The following MLLT10 variants were observed in gnomAD, a reference collection of about 807,000 sequenced individuals.
MLLT10 encodes the protein protein AF-10.
MLLT10 carries 30 observed loss-of-function variants against 129.1 expected under a neutral mutation model. The observed-to-expected ratio is 0.23, with a 90% confidence interval of 0.17 to 0.32. MLLT10 has a LOEUF of 0.32. Among genes scored for constraint, MLLT10 ranks in the 10% least tolerant of loss-of-function variants. MLLT10 has a pLI of 1.00. For missense variants in MLLT10, 1,119 were observed against 1,268.3 expected, an observed-to-expected ratio of 0.88 and a Z score of 1.79; for synonymous variants, 490 against 446.4, an observed-to-expected ratio of 1.10 and a Z score of -1.23.
chr10:21,536,806 C>CA (rs966438449), intron 2 of MLLT10, among the ~76,000 whole-genome samples: 6 of 151,354 alleles, frequency 4.0e-5, no homozygotes, highest in Non-Finnish European at 8.8e-5. Context: ...TTTTTTGAGA[C>CA]AGAGTTTTGC....
intron 3 of MLLT10, among the ~76,000 whole-genome samples, chr10:21,565,853 G>C (rs191639640): frequency 6.0e-5 from 9 of 148,872 alleles, no homozygotes; most frequent in Admixed American, 2.0e-4. Context: ...AGACCCTCCT[G>C]TCATGGCCTC....
chr10:21,563,903 C>T (rs2039186106), intron 3 of MLLT10, among the ~76,000 whole-genome samples: 1 of 151,808 alleles, frequency 6.6e-6, no homozygotes, highest in Non-Finnish European at 1.5e-5. Context: ...GGCTCCACCT[C>T]CCAGGTTCAC....
At position 21,673,441 on chromosome 10, in the gene MLLT10, T is replaced by G. The variant is rs1324971108; in HGVS notation, c.1143T>G (p.Asp381Glu). 3 of 1,613,316 alleles carry G rather than the reference T, an allele frequency of 1.9e-6. No individual in the cohort carries two copies. Among genetic ancestry groups the G allele is most frequent in the South Asian group, 2.2e-5 (2 of 91,038 alleles). ...PQDFLSFTDS[D>E]LRNDSYSHSQ... ...ATTTCCTGAGCTTTACAGACTCAGA[T>G]CTGCGTAATGACAGTTACTCTCACT... is the stretch of plus-strand genomic sequence containing the variant. The change falls in exon 11 of 23, where the codon GAT (aspartate) becomes GAG (glutamate). Residue 381 changes from aspartate to glutamate, a missense_variant. By Grantham distance (45) the Asp-to-Glu change is conservative. This residue lies in a region of MLLT10 where 1,004 missense variants were observed against 1,008.7 expected (regional missense o/e 1.00). Coordinates refer to ENST00000307729, the MANE Select transcript of MLLT10 (RefSeq NM_001195626.3).
rs1345285965 is a variant in MLLT10 at position 21,585,709 on chromosome 10, C to T, written c.241-585C>T. Among the ~76,000 whole-genome samples, 4 of 152,078 alleles carry T rather than the reference C, an allele frequency of 2.6e-5. No individual in the cohort carries two copies. The East Asian group carries it at 5.8e-4, about 22-fold the overall frequency. The stretch of plus-strand genomic sequence containing the variant: ...TTCTCCCGCTCCCCAGGTAAATAAT[C>T]CCAGCATCTTTGTGTTTTTATTAAT... On this transcript the variant is annotated intron_variant, in intron 3 of 22. Transcript: ENST00000307729.
intron 8 of MLLT10, chr10:21,625,900 C>G (rs1166061128): frequency 1.3e-6 from 1 of 782,812 alleles, no homozygotes; most frequent in African/African-American, 1.7e-5. Flanking sequence ...AAAGGGGCAC[C>G]AACTCATCCT....
At chr10:21,696,968 G>C (rs1178973343) in intron 13 of MLLT10, among the ~76,000 whole-genome samples, 2 of 151,974 alleles carry the variant, frequency 1.3e-5, no homozygotes, top group Non-Finnish European at 2.9e-5. Context: ...AAAGTCCTTT[G>C]TAGCCTGTGA....
chr10:21,663,693 T>C (rs984186780), intron 9 of MLLT10, among the ~76,000 whole-genome samples: 4 of 152,208 alleles, frequency 2.6e-5, no homozygotes, highest in African/African-American at 9.6e-5. Flanking sequence ...GCCTCCCGAA[T>C]AGCTGGGACT....
chr10:21,714,003 A>C, intron 14 of MLLT10, 53 bp downstream of exon 14: 1 of 1,502,422 alleles, frequency 6.7e-7, no homozygotes, highest in Non-Finnish European at 9.0e-7. Flanking sequence ...CTCATTTTTA[A>C]AGTGAGTTTT....
At chr10:21,653,992 G>T (rs1383912069) in intron 9 of MLLT10, among the ~76,000 whole-genome samples, 1 of 152,222 alleles carries the variant, frequency 6.6e-6, no homozygotes, top group African/African-American at 2.4e-5. Flanking sequence ...AGGAGACTGA[G>T]AAGAGGCTAG....
At chr10:21,579,605 C>T (rs897760705) in intron 3 of MLLT10, among the ~76,000 whole-genome samples, 13 of 151,134 alleles carry the variant, frequency 8.6e-5, no homozygotes, top group African/African-American at 2.9e-4. Flanking sequence ...TCTTGTTGCC[C>T]AAACTGGAGT....
chr10:21,610,231 C>G (rs2044466586), intron 5 of MLLT10, among the ~76,000 whole-genome samples: 1 of 152,190 alleles, frequency 6.6e-6, no homozygotes, highest in Admixed American at 6.5e-5. Context: ...CCCTAGCATT[C>G]TTGGCTTTTT....
chr10:21,670,335 A>G (rs2051262353), intron 9 of MLLT10, 114 bp from the exon 10 acceptor site: 2 of 1,001,800 alleles, frequency 2.0e-6, no homozygotes, highest in Admixed American at 3.5e-5. Context: ...TATTTTTAGA[A>G]CAGAAACTTT....
chr10:21,559,052 CATTG>C (rs1204913583), intron 3 of MLLT10, among the ~76,000 whole-genome samples: 3 of 152,096 alleles, frequency 2.0e-5, no homozygotes, highest in Admixed American at 2.0e-4. Context: ...TTTGAGTTTG[CATTG>C]ATTGTGTATA....
At chr10:21,584,238 G>T (rs1445961946) in intron 3 of MLLT10, among the ~76,000 whole-genome samples, 1 of 142,388 alleles carries the variant, frequency 7.0e-6, no homozygotes, top group Non-Finnish European at 1.5e-5. Context: ...ATCTCTGCTC[G>T]CTGCAACCTC....
intron 9 of MLLT10, among the ~76,000 whole-genome samples, chr10:21,666,397 G>A (rs1355073978): frequency 6.6e-6 from 1 of 151,974 alleles, no homozygotes; most frequent in East Asian, 1.9e-4. Context: ...AGGCGCGGTG[G>A]CTCATGGCTG....
intron 13 of MLLT10, among the ~76,000 whole-genome samples, chr10:21,691,682 A>G (rs1245076141): frequency 6.6e-6 from 1 of 152,182 alleles, no homozygotes; most frequent in Non-Finnish European, 1.5e-5. Flanking sequence ...GGAAGATAGT[A>G]GTAATTTGAA....
chr10:21,543,724 C>G (rs896420361), intron 3 of MLLT10, among the ~76,000 whole-genome samples: 2 of 152,040 alleles, frequency 1.3e-5, no homozygotes, highest in Non-Finnish European at 2.9e-5. Context: ...GGTGATCTGC[C>G]CACCTTGGCC....
At position 21,534,306 on chromosome 10, in the gene MLLT10, G is replaced by GGCC; in HGVS notation, c.-215_-214insGCC. Reference sequence around the variant, plus strand: ...CCTCGCTGCCCCTGGCCCAGCGGGAGCCCCCCCTCCCCCCAGTGCGCCTGT... The same window carrying GGCC: ...CCTCGCTGCCCCTGGCCCAGCGGGAGGCCCCCCCCCTCCCCCCAGTGCGCCTGT... On this transcript the variant is annotated 5_prime_UTR_variant, in exon 1 of 23. Coordinates refer to ENST00000307729, the MANE Select transcript of MLLT10 (RefSeq NM_001195626.3). 2.4e-5 allele frequency: 8 copies of GGCC among 328,444 alleles called. No individual in the cohort carries two copies. The highest frequency in any genetic ancestry group is 3.8e-5 in the Non-Finnish European group (7 of 183,334). 20.3% of individuals were successfully genotyped at this position (328,444 alleles called of 1,614,324 possible). A position where few individuals can be genotyped will look rare whatever the true frequency, so the allele number is the denominator to read the frequency against.
At chr10:21,556,535 T>C in intron 3 of MLLT10, 1 of 759,560 alleles carries the variant, frequency 1.3e-6, no homozygotes, top group Non-Finnish European at 2.1e-6. Context: ...GTAGATTTCT[T>C]CCATTTACCC....
Sources: gnomAD v4.1 joint callset for allele counts (sites outside exome capture counted in the v4.1 genomes callset) on GRCh38, gnomAD v4.1.1 for gene constraint, gnomAD v4.1.1 regional missense constraint, MANE v1.5 for transcripts, NCBI Gene and HGNC (gene_info 2026-07-23, HGNC 2026-07-21) for gene names.